The following ACTR3C variants were observed in gnomAD, a reference collection of about 807,000 sequenced individuals.
The protein encoded by ACTR3C is actin related protein 3C.
Under a neutral mutation model 26.3 loss-of-function variants are expected in ACTR3C, and 18 were observed. That is an observed-to-expected ratio of 0.68 (90% CI 0.47 to 1.01). ACTR3C has a LOEUF of 1.01. Ranked by LOEUF, ACTR3C falls within the 50% of genes least tolerant of loss-of-function variation. The probability of loss-of-function intolerance (pLI) is 0.00; values close to 1 mark genes in which losing one functional copy is unlikely to be tolerated. For missense variants in ACTR3C, 184 were observed against 250.7 expected (o/e 0.73, Z 1.80); for synonymous variants, 55 against 94.5 (o/e 0.58, Z 2.42).
the ACTR3C span, among the ~76,000 whole-genome samples, chr7:150,235,261 A>T: frequency 6.6e-6 from 1 of 152,244 alleles, no homozygotes; most frequent in Non-Finnish European, 1.5e-5. Context: ...GTCCTGGATA[A>T]GCAAGACAAC....
the ACTR3C span, among the ~76,000 whole-genome samples, chr7:149,894,903 A>G: frequency 6.6e-6 from 1 of 152,052 alleles, no homozygotes; most frequent in Non-Finnish European, 1.5e-5. Flanking sequence ...TCCAAAGGAA[A>G]TGAAATCAGT....
At chr7:150,129,028 G>C in the ACTR3C span, among the ~76,000 whole-genome samples, 1 of 151,210 alleles carries the variant, frequency 6.6e-6, no homozygotes, top group African/African-American at 2.4e-5. Flanking sequence ...GTGTTGGAGA[G>C]GAGGTGCTTC....
chr7:149,944,652 C>T, the ACTR3C span, among the ~76,000 whole-genome samples: 24 of 151,612 alleles, frequency 1.6e-4, no homozygotes, highest in Non-Finnish European at 2.8e-4. Context: ...GCAGCAGCTG[C>T]CTCCTGTGAA....
At chr7:150,288,124 C>T (rs1309673974) in intron 4 of ACTR3C, among the ~76,000 whole-genome samples, 1 of 142,344 alleles carries the variant, frequency 7.0e-6, no homozygotes, top group Admixed American at 6.8e-5. Flanking sequence ...AACAGGGCTA[C>T]CCCACAGAGC....
chr7:150,240,593 A>G (rs771791487), downstream of ACTR3C, among the ~76,000 whole-genome samples: 1 of 152,198 alleles, frequency 6.6e-6, no homozygotes, highest in African/African-American at 2.4e-5. Context: ...AGAAAAAATT[A>G]TCTATAGAGG....
chr7:150,227,014 C>T, the ACTR3C span, among the ~76,000 whole-genome samples: 1 of 139,428 alleles, frequency 7.2e-6, no homozygotes, highest in African/African-American at 3.0e-5. Context: ...TAAATTAGCA[C>T]ATTGTGTATA....
At chr7:149,928,206 T>TG in the ACTR3C span, among the ~76,000 whole-genome samples, 1 of 149,936 alleles carries the variant, frequency 6.7e-6, no homozygotes, top group African/African-American at 2.5e-5. Flanking sequence ...TCTTTTCTTT[T>TG]TTTTTTTTTT....
At chr7:149,882,372 G>A in the ACTR3C span, among the ~76,000 whole-genome samples, 1 of 152,140 alleles carries the variant, frequency 6.6e-6, no homozygotes, top group African/African-American at 2.4e-5. Context: ...TGAGCCCCCT[G>A]GGTGGCATCC....
chr7:149,886,268 G>A, the ACTR3C span, among the ~76,000 whole-genome samples: 1 of 152,202 alleles, frequency 6.6e-6, no homozygotes, highest in African/African-American at 2.4e-5. Flanking sequence ...TGTGAGACAG[G>A]ACCTGACAAA....
chr7:150,264,354 C>T (rs1833870467), intron 6 of ACTR3C, among the ~76,000 whole-genome samples: 1 of 152,190 alleles, frequency 6.6e-6, no homozygotes, highest in Non-Finnish European at 1.5e-5. Flanking sequence ...AACTAGGCAA[C>T]AAATAAAACC....
At chr7:150,240,280 T>C (rs746440402), downstream of ACTR3C, among the ~76,000 whole-genome samples, 1 of 152,242 alleles carries the variant, frequency 6.6e-6, no homozygotes, top group African/African-American at 2.4e-5. Flanking sequence ...ATCACTGCTA[T>C]CTTGTTCCCG....
the ACTR3C span, among the ~76,000 whole-genome samples, chr7:149,924,939 T>C: frequency 6.6e-6 from 1 of 152,182 alleles, no homozygotes; most frequent in African/African-American, 2.4e-5. Context: ...CAGTGACAAG[T>C]TTTTATATCT....
the ACTR3C span, among the ~76,000 whole-genome samples, chr7:149,895,582 C>T: frequency 6.6e-6 from 1 of 152,096 alleles, no homozygotes; most frequent in Non-Finnish European, 1.5e-5. Context: ...TGCATGTAAT[C>T]CCAGAGACTC....
chr7:150,159,805 T>C, the ACTR3C span, among the ~76,000 whole-genome samples: 1 of 150,056 alleles, frequency 6.7e-6, no homozygotes, highest in African/African-American at 2.5e-5. Context: ...TTTGTTTGTT[T>C]TTTTGTTTTT....
chr7:150,269,169 G>A (rs1239901125), intron 6 of ACTR3C, among the ~76,000 whole-genome samples: 2 of 71,000 alleles, frequency 2.8e-5, no homozygotes, highest in Non-Finnish European at 5.2e-5. Context: ...AGAGTGGAGG[G>A]TGGAATACAG....
At chr7:150,254,699 C>G (rs1368555863) in intron 6 of ACTR3C, among the ~76,000 whole-genome samples, 1 of 152,146 alleles carries the variant, frequency 6.6e-6, no homozygotes, top group African/African-American at 2.4e-5. Flanking sequence ...ATACACCCAT[C>G]ATTTCAGTTG....
intron 2 of ACTR3C, 58 bp downstream of exon 2, chr7:150,295,194 T>C: frequency 6.3e-7 from 1 of 1,587,208 alleles, no homozygotes; most frequent in Non-Finnish European, 8.6e-7. Context: ...GAAATACCAT[T>C]TCTTCCGCTA....
chr7:149,983,437 A>G, the ACTR3C span, among the ~76,000 whole-genome samples: 34 of 45,368 alleles, frequency 7.5e-4, 1 homozygote, highest in African/African-American at 1.6e-3. Context: ...TGTTGTGTGT[A>G]TGTGTGTGTG....
the ACTR3C span, among the ~76,000 whole-genome samples, chr7:150,085,440 A>G: frequency 3.9e-5 from 6 of 152,250 alleles, no homozygotes; most frequent in South Asian, 1.0e-3. Flanking sequence ...GTGTTTCGAG[A>G]TGGAAGTCAG....
Sources: allele counts gnomAD v4.1 joint callset (sites outside exome capture counted in the v4.1 genomes callset), GRCh38; gene constraint gnomAD v4.1.1; transcripts MANE v1.5; gene names NCBI Gene and HGNC (gene_info 2026-07-23, HGNC 2026-07-21).